QSER1: variants seen among roughly 807,000 people sequenced by gnomAD.
QSER1 encodes glutamine and serine-rich protein 1.
Under a neutral mutation model 158.5 loss-of-function variants are expected in QSER1, and 49 were observed. That is an observed-to-expected ratio of 0.31 (90% confidence interval 0.25 to 0.39). The LOEUF is 0.39. Among genes scored for constraint, QSER1 ranks in the 10% least tolerant of loss-of-function variants. The probability of loss-of-function intolerance (pLI) is 1.00; values close to 1 mark genes in which losing one functional copy is unlikely to be tolerated. For missense variants in QSER1, 1,754 were observed against 2,010.3 expected (o/e 0.87, Z 2.44); for synonymous variants, 650 against 715.5 (o/e 0.91, Z 1.46).
intron 11 of QSER1, among the ~76,000 whole-genome samples, chr11:32,973,966 C>T (rs1215911926): frequency 3.9e-5 from 6 of 152,054 alleles, no homozygotes; most frequent in Admixed American, 6.6e-5. Context: ...TATGCATGCA[C>T]ATAGATAAGT....
Position 32,934,545 on chromosome 11 carries a change from A to G in QSER1, c.3287A>G (p.His1096Arg), listed in dbSNP as rs755750819. Residue 1096 changes from histidine (H) to arginine (R), a missense_variant, in exon 4 of 13, where the codon CAT becomes CGT. Physicochemically the swap from His to Arg is conservative, Grantham distance 29. Coordinates refer to ENST00000650167, the MANE Select transcript of QSER1 (RefSeq NM_001076786.3). Reference protein sequence around the residue: ...KVTSAVVGPSHEVQEQSSGPF... With the variant: ...KVTSAVVGPSREVQEQSSGPF... The stretch of plus-strand genomic sequence containing the variant: ...ACTTCAGCAGTGGTTGGACCAAGTC[A>G]TGAAGTCCAGGAGCAAAGTTCTGGC... The G allele has an allele frequency of 1.9e-6, 3 of 1,613,434 alleles. No homozygotes were observed. The African/African-American group carries it at 4.0e-5, about 22-fold the overall frequency.
At chr11:32,894,039 A>C (rs1357112562) in intron 1 of QSER1, among the ~76,000 whole-genome samples, 2 of 140,170 alleles carry the variant, frequency 1.4e-5, no homozygotes, top group East Asian at 4.9e-4. Flanking sequence ...TTTGCCTTCT[A>C]TGCCTCGGGG....
At chr11:32,935,621 A>G (rs1852141528) in intron 4 of QSER1, among the ~76,000 whole-genome samples, 186 bp downstream of exon 4, 1 of 152,210 alleles carries the variant, frequency 6.6e-6, no homozygotes. Context: ...TCTATGTTTT[A>G]GGTTAAGTAG....
At chr11:32,902,989 T>C (rs1328126217) in intron 1 of QSER1, among the ~76,000 whole-genome samples, 1 of 152,158 alleles carries the variant, frequency 6.6e-6, no homozygotes, top group Non-Finnish European at 1.5e-5. Flanking sequence ...ATCATAAGCT[T>C]TCAGGGAAAA....
Position 32,935,125 on chromosome 11 carries a change from G to C in QSER1, c.3867G>C (p.Gly1289=), listed in dbSNP as rs761136705. The C allele has an allele frequency of 7.4e-6, 12 of 1,614,008 alleles. No homozygotes were observed. The East Asian group carries it at 2.7e-4, about 36-fold the overall frequency. Residue 1289 remains glycine, a synonymous_variant, in exon 4 of 13, where the codon GGG becomes GGC. Transcript: ENST00000650167. ...CTTTCTTAGATTTTCTGAAATCCGGGCCCAAGCAGCAGTTTTCCACTCTTG... is the reference window on the plus strand; with the variant it reads ...CTTTCTTAGATTTTCTGAAATCCGGCCCCAAGCAGCAGTTTTCCACTCTTG... ...IASFLDFLKS[G]PKQQFSTLAV...
At chr11:32,901,928 C>A (rs1851630880) in intron 1 of QSER1, among the ~76,000 whole-genome samples, 1 of 152,108 alleles carries the variant, frequency 6.6e-6, no homozygotes, top group Admixed American at 6.5e-5. Flanking sequence ...CACAAAAATA[C>A]AAAAATTAGC....
intron 1 of QSER1, among the ~76,000 whole-genome samples, chr11:32,896,263 T>C (rs1349437850): frequency 1.3e-5 from 2 of 152,214 alleles, no homozygotes; most frequent in African/African-American, 4.8e-5. Context: ...GGCAGGCTGT[T>C]TTATGGTGAT....
intron 1 of QSER1, among the ~76,000 whole-genome samples, chr11:32,897,186 T>C (rs545691520): frequency 1.3e-5 from 2 of 152,330 alleles, no homozygotes; most frequent in Admixed American, 1.3e-4. Flanking sequence ...AGGCATTCTT[T>C]TTACCATCCT....
intron 1 of QSER1, among the ~76,000 whole-genome samples, chr11:32,916,630 C>T (rs1267162317): frequency 6.6e-6 from 1 of 152,194 alleles, no homozygotes; most frequent in Non-Finnish European, 1.5e-5. Flanking sequence ...CAGGATCTTA[C>T]TGCCCTGAAT....
chr11:32,967,149 A>G (rs1357123107), intron 9 of QSER1, among the ~76,000 whole-genome samples: 3 of 152,222 alleles, frequency 2.0e-5, no homozygotes, highest in East Asian at 3.8e-4. Flanking sequence ...ATTCAGCCAT[A>G]AAAAAGAGCA....
At chr11:32,966,183 G>A in intron 8 of QSER1, 117 bp from the exon 9 acceptor site, 3 of 1,134,900 alleles carry the variant, frequency 2.6e-6, no homozygotes, top group Admixed American at 4.6e-5. Flanking sequence ...AGGTGAGAAA[G>A]TCTTGAATTT....
At chr11:32,948,356 C>G (rs1485611218) in intron 4 of QSER1, among the ~76,000 whole-genome samples, 1 of 152,204 alleles carries the variant, frequency 6.6e-6, no homozygotes, top group Non-Finnish European at 1.5e-5. Context: ...CACTAACTGA[C>G]TTGGATGGTA....
chr11:32,921,027 C>A (rs962558109), intron 1 of QSER1, among the ~76,000 whole-genome samples: 2 of 152,112 alleles, frequency 1.3e-5, no homozygotes, highest in South Asian at 2.1e-4. Flanking sequence ...TTAAAACATA[C>A]ATCTATACAA....
rs751573883 is a variant in QSER1 at position 32,931,870 on chromosome 11, T to G, written c.612T>G (p.Thr204=). The G allele has an allele frequency of 3.6e-5, 58 of 1,614,098 alleles. No individual in the cohort carries two copies. Among genetic ancestry groups the G allele is most frequent in the Non-Finnish European group, 4.7e-5 (55 of 1,180,032 alleles). The change falls in exon 4 of 13, where the codon ACT becomes ACG. Residue 204 remains threonine, a synonymous_variant. Transcript: ENST00000650167. ...TTFSNRNFAT[T]SPLVLQDSTF... is the part of the protein sequence containing the mutation. Reference sequence around the variant, plus strand: ...TCAGCAATAGAAACTTTGCTACCACTTCACCTTTGGTGCTTCAGGATTCAA... The same window carrying G: ...TCAGCAATAGAAACTTTGCTACCACGTCACCTTTGGTGCTTCAGGATTCAA...
In QSER1 at chr11:32,976,354, A is replaced by C; in HGVS notation, c.5475A>C (p.Lys1825Asn). The change falls in exon 13 of 13, where the codon AAA (lysine) becomes AAC (asparagine). Residue 1825 changes from lysine to asparagine, a missense_variant. Around this residue, in one of 2 missense-constraint regions of QSER1, gnomAD observed 47 missense variants for 90.7 expected, o/e 0.52. Transcript: ENST00000650167. ...CKDEISSVQK[K>N]NEDLGQEEIV... is the part of the protein sequence containing the mutation. ...TTTAGATTTCTTCGGTGCAGAAAAA[A>C]AATGAAGATTTAGGACAGGAGGAAA... 6.3e-7 allele frequency: 1 copy of C among 1,588,214 alleles called. No homozygotes were observed. The highest frequency in any genetic ancestry group is 8.5e-7 in the Non-Finnish European group (1 of 1,172,850).
At position 32,932,439 on chromosome 11, in the gene QSER1, C is replaced by T. The variant is rs563097671; in HGVS notation, c.1181C>T (p.Ser394Leu). 14 of 1,613,280 alleles carry T rather than the reference C, an allele frequency of 8.7e-6. No homozygotes were observed. Among genetic ancestry groups the T allele is most frequent in the East Asian group, 4.5e-5 (2 of 44,882 alleles). Residue 394 changes from serine to leucine, a missense_variant, in exon 4 of 13, where the codon TCA becomes TTA. Coordinates refer to ENST00000650167, the MANE Select transcript of QSER1 (RefSeq NM_001076786.3). ...QVSVELAQSY[S>L]SAIPSSGYPP... ...TCAGTGGAACTTGCTCAGTCTTACT[C>T]ATCTGCGATTCCATCATCAGGGTAT...
chr11:32,926,645 A>G (rs1258726146), intron 1 of QSER1: 1 of 152,130 alleles, frequency 6.6e-6, no homozygotes, highest in Non-Finnish European at 1.5e-5. Context: ...AAAATGTTTG[A>G]GCTTGAAGTT....
intron 4 of QSER1, among the ~76,000 whole-genome samples, chr11:32,943,838 G>C: frequency 6.6e-6 from 1 of 152,248 alleles, no homozygotes; most frequent in African/African-American, 2.4e-5. Context: ...ACCTCTGGTA[G>C]AATTCGGCTG....
chr11:32,896,796 T>C (rs1851561595), intron 1 of QSER1, among the ~76,000 whole-genome samples: 1 of 152,224 alleles, frequency 6.6e-6, no homozygotes, highest in African/African-American at 2.4e-5. Flanking sequence ...AATACTCCTC[T>C]GAAAAACCAA....
Sources: gnomAD v4.1 joint callset for allele counts (sites outside exome capture counted in the v4.1 genomes callset) on GRCh38, gnomAD v4.1.1 for gene constraint, gnomAD v4.1.1 regional missense constraint, MANE v1.5 for transcripts, NCBI Gene and HGNC (gene_info 2026-07-23, HGNC 2026-07-21) for gene names.